HMOX2: variants seen among roughly 807,000 people sequenced by gnomAD.
HMOX2 encodes the protein heme oxygenase 2.
HMOX2 carries 30 observed loss-of-function variants against 33.7 expected under a neutral mutation model. The observed-to-expected ratio is 0.89, with a 90% confidence interval of 0.67 to 1.21. The LOEUF is 1.21. Ranked by LOEUF, HMOX2 falls within the 50% of genes most tolerant of loss-of-function variation. HMOX2 has a pLI of 0.00. For missense variants in HMOX2, 403 were observed against 399.1 expected (o/e 1.01, Z -0.08); for synonymous variants, 155 against 155.0 (o/e 1.00, Z 0.00).
intron 1 of HMOX2, among the ~76,000 whole-genome samples, chr16:4,485,344 G>A (rs968280683): frequency 1.3e-5 from 2 of 152,178 alleles, no homozygotes; most frequent in Admixed American, 6.6e-5. Flanking sequence ...TGACTGTACT[G>A]TATTGAGCTT....
At chr16:4,478,870 C>T (rs569991234) in intron 1 of HMOX2, among the ~76,000 whole-genome samples, 4 of 151,328 alleles carry the variant, frequency 2.6e-5, no homozygotes. Context: ...AAAACTTGAC[C>T]TAGACTGGGT....
chr16:4,491,706 G>A (rs2058310109), intron 1 of HMOX2, among the ~76,000 whole-genome samples: 1 of 151,098 alleles, frequency 6.6e-6, no homozygotes, highest in African/African-American at 2.4e-5. Context: ...TTTTCTTTTT[G>A]TTTATTTTCT....
chr16:4,487,469 G>C (rs922787944), intron 1 of HMOX2, among the ~76,000 whole-genome samples: 13 of 151,940 alleles, frequency 8.6e-5, no homozygotes, highest in African/African-American at 3.1e-4. Context: ...TTGGGAGTTT[G>C]AGACCAGCCT....
chr16:4,495,669 C>T (rs950797452), intron 1 of HMOX2: 1 of 152,198 alleles, frequency 6.6e-6, no homozygotes, highest in Non-Finnish European at 1.5e-5. Context: ...CATTGCACTA[C>T]CATTTCTGAG....
At chr16:4,486,879 C>T (rs750099521) in intron 1 of HMOX2, among the ~76,000 whole-genome samples, 2 of 152,166 alleles carry the variant, frequency 1.3e-5, no homozygotes, top group African/African-American at 4.8e-5. Context: ...TCCCTTTTGG[C>T]CCCCTTTCTC....
At chr16:4,490,292 G>T (rs1038648226) in intron 1 of HMOX2, among the ~76,000 whole-genome samples, 1 of 152,126 alleles carries the variant, frequency 6.6e-6, no homozygotes, top group Non-Finnish European at 1.5e-5. Context: ...CTGAAGCAGG[G>T]TATGGGAGGC....
intron 1 of HMOX2, among the ~76,000 whole-genome samples, chr16:4,478,955 G>C (rs1262721399): frequency 6.6e-6 from 1 of 152,100 alleles, no homozygotes; most frequent in Non-Finnish European, 1.5e-5. Flanking sequence ...AGGAGTTCGA[G>C]ACCAGCCTGG....
chr16:4,506,865 G>A, intron 2 of HMOX2, 30 bp from the exon 3 acceptor site: 1 of 1,496,468 alleles, frequency 6.7e-7, no homozygotes, highest in Non-Finnish European at 9.3e-7. Context: ...AGGGCTAATT[G>A]ACACACAAAC....
At chr16:4,492,734 C>A (rs2058334108) in intron 1 of HMOX2, among the ~76,000 whole-genome samples, 2 of 151,290 alleles carry the variant, frequency 1.3e-5, no homozygotes, top group African/African-American at 4.9e-5. Context: ...AAAACAACAA[C>A]AACAACAAAA....
chr16:4,494,438 T>C (rs991380723), intron 1 of HMOX2, among the ~76,000 whole-genome samples: 3 of 152,158 alleles, frequency 2.0e-5, no homozygotes, highest in African/African-American at 7.2e-5. Flanking sequence ...AGCTGGAGTG[T>C]CTAGAAAGCT....
chr16:4,486,047 C>T (rs956059790), intron 1 of HMOX2, among the ~76,000 whole-genome samples: 1 of 152,120 alleles, frequency 6.6e-6, no homozygotes, highest in Non-Finnish European at 1.5e-5. Flanking sequence ...TTAAACCATA[C>T]GATTGTCCTG....
Position 4,507,649 on chromosome 16 carries a change from TG to T in HMOX2, c.205-63del, listed in dbSNP as rs551743333. 2,110 of 1,553,226 alleles carry T rather than the reference TG, an allele frequency of 1.4e-3. 5 individuals are homozygous for T. The highest frequency in any genetic ancestry group is 1.7e-3 in the Non-Finnish European group (1,906 of 1,144,336). On this transcript the variant is annotated intron_variant, in intron 3 of 5. Coordinates refer to ENST00000570646, the MANE Select transcript of HMOX2 (RefSeq NM_002134.4). ...GGTTGGGGGTTGTCACTTGAGCCTCTGCATCCAGCTGCTCGGATGTGGTGTG... is the reference window on the plus strand; with the variant it reads ...GGTTGGGGGTTGTCACTTGAGCCTCTCATCCAGCTGCTCGGATGTGGTGTG...
chr16:4,495,755 A>G (rs1197201355), intron 1 of HMOX2: 2 of 152,214 alleles, frequency 1.3e-5, no homozygotes, highest in Non-Finnish European at 2.9e-5. Flanking sequence ...GACACAGTTT[A>G]GTCTATTTCT....
chr16:4,507,392 C>T (rs1263381925), intron 3 of HMOX2, among the ~76,000 whole-genome samples: 1 of 151,812 alleles, frequency 6.6e-6, no homozygotes, highest in Admixed American at 6.6e-5. Flanking sequence ...TTACAGTGAG[C>T]CGAGATCGTC....
chr16:4,509,430 C>A lies in HMOX2; in HGVS notation c.715C>A (p.Gln239Lys). 6.2e-7 allele frequency: 1 copy of A among 1,614,030 alleles called. No individual in the cohort carries two copies. The highest frequency in any genetic ancestry group is 8.5e-7 in the Non-Finnish European group (1 of 1,180,030). The change falls in exon 5 of 6, where the codon CAG (glutamine) becomes AAG (lysine). Residue 239 changes from glutamine to lysine, a missense_variant. Physicochemically the swap from Gln to Lys is moderately conservative, Grantham distance 53. Coordinates refer to ENST00000570646, the MANE Select transcript of HMOX2 (RefSeq NM_002134.4). ...CCTGCAGATATTCAATGAACTGGACCAGGCCGGCTCCACACTGGCCAGAGA... is the reference window on the plus strand; with the variant it reads ...CCTGCAGATATTCAATGAACTGGACAAGGCCGGCTCCACACTGGCCAGAGA... The part of the protein sequence containing the change: ...YNMQIFNELD[Q>K]AGSTLARETL...
intron 1 of HMOX2, chr16:4,496,214 C>T (rs2058416667): frequency 1.3e-5 from 2 of 151,878 alleles, no homozygotes; most frequent in Admixed American, 1.3e-4. Context: ...GCCTCCACCT[C>T]CTGGGTTCAA....
chr16:4,486,142 C>G (rs933139316), intron 1 of HMOX2, among the ~76,000 whole-genome samples: 1 of 152,202 alleles, frequency 6.6e-6, no homozygotes, highest in Non-Finnish European at 1.5e-5. Flanking sequence ...AGTACCCTTT[C>G]TTCCCATCTT....
chr16:4,509,508 T>C lies in HMOX2; in HGVS notation c.793T>C (p.Cys265Arg). 1.2e-6 allele frequency: 2 copies of C among 1,614,110 alleles called. No individual in the cohort carries two copies. Among genetic ancestry groups the C allele is most frequent in the Non-Finnish European group, 1.7e-6 (2 of 1,180,004 alleles). ...VHDGKGDMRKCPFYAAEQDKG... is the reference protein window; with the variant it reads ...VHDGKGDMRKRPFYAAEQDKG... ...CGATGGGAAAGGAGACATGCGTAAA[T>C]GCCCTTTCTACGCTGCTGAACAAGA... The change falls in exon 5 of 6, where the codon TGC becomes CGC. Residue 265 changes from cysteine to arginine, a missense_variant. Cys to Arg is a radical substitution (Grantham distance 180, BLOSUM62 -3). Transcript: ENST00000570646.
chr16:4,476,986 T>C (rs779048722), intron 1 of HMOX2, among the ~76,000 whole-genome samples: 12 of 152,110 alleles, frequency 7.9e-5, no homozygotes, highest in Non-Finnish European at 1.2e-4. Context: ...CTATAGGAAG[T>C]GCCCCTTGAG....
Sources: gnomAD v4.1 joint callset for allele counts (sites outside exome capture counted in the v4.1 genomes callset) on GRCh38, gnomAD v4.1.1 for gene constraint, MANE v1.5 for transcripts, NCBI Gene and HGNC (gene_info 2026-07-23, HGNC 2026-07-21) for gene names.